The following KALRN variants were observed in gnomAD, a reference collection of about 807,000 sequenced individuals.
KALRN encodes the protein kalirin.
A neutral mutation model predicts 353.7 loss-of-function variants in KALRN; 70 were observed. That is an observed-to-expected ratio of 0.20 (90% CI 0.16 to 0.24). The LOEUF (loss-of-function observed/expected upper bound fraction) is 0.24. KALRN is among the 10% of genes least tolerant of loss of function. KALRN has a pLI of 1.00. For synonymous variants in KALRN, 1,391 were observed against 1,434.8 expected, an observed-to-expected ratio of 0.97 and a Z score of 0.69; for missense variants, 2,791 against 3,756.7, an observed-to-expected ratio of 0.74 and a Z score of 6.72.
intron 13 of KALRN, chr3:124,407,815 C>T (rs1313645771): frequency 6.6e-6 from 1 of 152,204 alleles, no homozygotes; most frequent in Non-Finnish European, 1.5e-5. Context: ...GACGGAATCT[C>T]GCTCTGTTGC....
chr3:124,454,199 T>C (rs1341385414), intron 21 of KALRN, among the ~76,000 whole-genome samples: 1 of 152,248 alleles, frequency 6.6e-6, no homozygotes, highest in East Asian at 1.9e-4. Flanking sequence ...AATCTGCTCA[T>C]TGTATTTATT....
At chr3:124,494,120 G>A (rs1173266822) in intron 32 of KALRN, among the ~76,000 whole-genome samples, 1 of 152,200 alleles carries the variant, frequency 6.6e-6, no homozygotes, top group Admixed American at 6.5e-5. Flanking sequence ...TATAGTAGGA[G>A]AGTTTGAGCA....
intron 1 of KALRN, among the ~76,000 whole-genome samples, chr3:124,109,801 T>C (rs13059855): frequency 0.75 from 55,034 of 73,334 alleles, 21,115 homozygotes; most frequent in Middle Eastern, 0.85. Flanking sequence ...TTGATATATA[T>C]ATGACATATA....
At chr3:124,606,715 C>A (rs998000604) in intron 34 of KALRN, among the ~76,000 whole-genome samples, 1 of 152,014 alleles carries the variant, frequency 6.6e-6, no homozygotes, top group Admixed American at 6.6e-5. Context: ...GGAGAAAATG[C>A]GTGTAACCTG....
intron 33 of KALRN, among the ~76,000 whole-genome samples, chr3:124,558,280 ATT>A (rs558048690): frequency 6.7e-5 from 10 of 148,906 alleles, no homozygotes; most frequent in Admixed American, 6.0e-4. Flanking sequence ...TACCGCCAGA[ATT>A]TTTTTTTTTC....
At chr3:124,053,042 T>C (rs112263907) in intron 1 of KALRN, among the ~76,000 whole-genome samples, 8 of 152,244 alleles carry the variant, frequency 5.3e-5, no homozygotes, top group South Asian at 2.1e-4. Flanking sequence ...AGGATTTGGA[T>C]TATATTTTTA....
intron 33 of KALRN, among the ~76,000 whole-genome samples, chr3:124,541,720 T>TA (rs753191575): frequency 3.0e-3 from 350 of 117,232 alleles, no homozygotes; most frequent in Middle Eastern, 9.0e-3. Context: ...CCATCTCTAC[T>TA]AAAAAAAAAA....
At chr3:124,480,958 A>G (rs1234052724) in intron 27 of KALRN, among the ~76,000 whole-genome samples, 1 of 152,050 alleles carries the variant, frequency 6.6e-6, no homozygotes, top group Admixed American at 6.5e-5. Flanking sequence ...TTATCAATTC[A>G]TGGATGTTTG....
At chr3:124,694,022 T>C (rs998586929) in intron 52 of KALRN, among the ~76,000 whole-genome samples, 191 bp downstream of exon 52, 4 of 152,244 alleles carry the variant, frequency 2.6e-5, no homozygotes, top group African/African-American at 9.6e-5. Context: ...ATCCAAGTTT[T>C]ATAAGAAGTC....
intron 18 of KALRN, among the ~76,000 whole-genome samples, chr3:124,440,381 T>C (rs546589479): frequency 1.1e-3 from 166 of 152,278 alleles, no homozygotes; most frequent in African/African-American, 3.8e-3. Flanking sequence ...AAGCTCCCTG[T>C]CACTGTGGGA....
intron 6 of KALRN, among the ~76,000 whole-genome samples, chr3:124,317,749 G>A (rs962376465): frequency 2.7e-4 from 41 of 150,146 alleles, no homozygotes; most frequent in Non-Finnish European, 5.2e-4. Context: ...GGCGGGGGCT[G>A]GGGGGGCAGT....
intron 3 of KALRN, among the ~76,000 whole-genome samples, chr3:124,260,101 C>A (rs1166272793): frequency 2.6e-5 from 4 of 152,174 alleles, no homozygotes; most frequent in Non-Finnish European, 5.9e-5. Flanking sequence ...ACTCCAGTCT[C>A]GTCTCTTGCA....
chr3:124,055,011 A>G (rs1266779594), intron 1 of KALRN, among the ~76,000 whole-genome samples: 1 of 152,118 alleles, frequency 6.6e-6, no homozygotes, highest in Non-Finnish European at 1.5e-5. Flanking sequence ...CTTGAACTTT[A>G]AGAAGAAAGT....
At chr3:124,150,784 T>C (rs565324062) in intron 1 of KALRN, among the ~76,000 whole-genome samples, 8 of 152,328 alleles carry the variant, frequency 5.3e-5, no homozygotes, top group Middle Eastern at 6.8e-3. Flanking sequence ...TTTTACCCAG[T>C]GAACACACTT....
intron 1 of KALRN, among the ~76,000 whole-genome samples, chr3:124,161,822 G>A (rs2070008870): frequency 6.6e-6 from 1 of 152,198 alleles, no homozygotes; most frequent in Admixed American, 6.5e-5. Context: ...TATGATTACT[G>A]CTTGAGGGTC....
At chr3:124,197,143 C>T (rs2075522902) in intron 1 of KALRN, among the ~76,000 whole-genome samples, 1 of 152,122 alleles carries the variant, frequency 6.6e-6, no homozygotes, top group African/African-American at 2.4e-5. Flanking sequence ...TTACCCTTTG[C>T]ATACATCCAT....
intron 1 of KALRN, chr3:124,080,087 G>T: frequency 2.1e-6 from 1 of 471,172 alleles, no homozygotes; most frequent in South Asian, 1.5e-5. Context: ...TTCCAGACAA[G>T]ATCAGGTTAG....
intron 27 of KALRN, among the ~76,000 whole-genome samples, chr3:124,480,640 A>C (rs147393199): frequency 1.8e-4 from 28 of 152,218 alleles, no homozygotes; most frequent in Non-Finnish European, 2.4e-4. Context: ...CCCTTCAGTC[A>C]ATTTTAGGGC....
chr3:124,221,825 G>A (rs1164772541), intron 1 of KALRN, among the ~76,000 whole-genome samples: 1 of 152,148 alleles, frequency 6.6e-6, no homozygotes, highest in African/African-American at 2.4e-5. Flanking sequence ...TAGCTTCCTG[G>A]TATTGGGGGA....
Sources: gnomAD v4.1 joint callset for allele counts (sites outside exome capture counted in the v4.1 genomes callset) on GRCh38, gnomAD v4.1.1 for gene constraint, MANE v1.5 for transcripts, NCBI Gene and HGNC (gene_info 2026-07-23, HGNC 2026-07-21) for gene names.